Variants in PCDHGB1 observed in about 807,000 individuals in gnomAD.
The protein encoded by PCDHGB1 is protocadherin gamma subfamily B, 1, also known as protocadherin gamma-B1.
In PCDHGB1, 34 loss-of-function variants were observed where a neutral mutation model predicts 56.6. That is an observed-to-expected ratio of 0.60 (90% confidence interval 0.46 to 0.80). The LOEUF (loss-of-function observed/expected upper bound fraction) is 0.80. PCDHGB1 is among the 30% of genes least tolerant of loss of function. PCDHGB1 has a pLI of 0.00. For missense variants in PCDHGB1, 1,278 were observed against 1,204.6 expected, an observed-to-expected ratio of 1.06 and a Z score of -0.90; for synonymous variants, 561 against 505.9, an observed-to-expected ratio of 1.11 and a Z score of -1.46.
At chr5:141,417,256 C>G (rs985322130) in intron 1 of PCDHGB1, 1 of 152,096 alleles carries the variant, frequency 6.6e-6, no homozygotes, top group Non-Finnish European at 1.5e-5. Flanking sequence ...CTTCCAGCTT[C>G]ATAGATAATT....
chr5:141,502,679 T>C (rs943238781), intron 2 of PCDHGB1, among the ~76,000 whole-genome samples: 1 of 152,236 alleles, frequency 6.6e-6, no homozygotes, highest in Non-Finnish European at 1.5e-5. Flanking sequence ...TAGTATTCCC[T>C]GATGATCCTT....
At chr5:141,455,282 A>C (rs1307886349) in intron 1 of PCDHGB1, among the ~76,000 whole-genome samples, 1 of 152,056 alleles carries the variant, frequency 6.6e-6, no homozygotes, top group Non-Finnish European at 1.5e-5. Flanking sequence ...TATTAACATC[A>C]CTTTACATAG....
At chr5:141,422,897 A>AT (rs778069795) in intron 1 of PCDHGB1, 4 of 1,614,212 alleles carry the variant, frequency 2.5e-6, no homozygotes, top group Non-Finnish European at 3.4e-6. Flanking sequence ...CTGGACCAGA[A>AT]CGACAATGCG....
chr5:141,458,367 G>A (rs1297876142), intron 1 of PCDHGB1, among the ~76,000 whole-genome samples: 2 of 152,130 alleles, frequency 1.3e-5, no homozygotes, highest in African/African-American at 2.4e-5. Context: ...AGAAGGAAGG[G>A]AGAAGAGAGA....
At chr5:141,494,729 C>A in intron 1 of PCDHGB1, 78 bp from the exon 2 acceptor site, 1 of 1,610,166 alleles carries the variant, frequency 6.2e-7, no homozygotes. Context: ...CCTTCTCTCC[C>A]GGCCCATCCC....
chr5:141,357,739 C>A (rs1760721211), intron 1 of PCDHGB1: 1 of 1,286,180 alleles, frequency 7.8e-7, no homozygotes, highest in Non-Finnish European at 1.1e-6. Context: ...TATTTTATTG[C>A]TTTAAAGAAA....
rs144585584 is a variant in PCDHGB1 at position 141,478,339 on chromosome 5, C to T, written c.2410-16468C>T. 998 of 1,613,918 alleles carry T rather than the reference C, an allele frequency of 6.2e-4. 16 individuals carry two copies. In the East Asian group the frequency reaches 0.019, roughly 31 times the overall value. Reference sequence around the variant, plus strand: ...CACTGTACCGAACACCAGGGCCCTCCTTGCACGCGGACGCCGTGCGGGGAG... The same window carrying T: ...CACTGTACCGAACACCAGGGCCCTCTTTGCACGCGGACGCCGTGCGGGGAG... On this transcript the variant is annotated intron_variant, in intron 1 of 3. Transcript: ENST00000523390.
At chr5:141,394,547 G>T (rs771070854) in intron 1 of PCDHGB1, 6 of 1,614,098 alleles carry the variant, frequency 3.7e-6, no homozygotes, top group East Asian at 2.2e-5. Context: ...TGGAGCTGGC[G>T]CCCCGCTCCG....
At chr5:141,381,657 C>T (rs1224064730) in intron 1 of PCDHGB1, among the ~76,000 whole-genome samples, 5 of 152,134 alleles carry the variant, frequency 3.3e-5, no homozygotes, top group East Asian at 1.9e-4. Context: ...AAATGGGTTG[C>T]TTCTATAGCT....
intron 1 of PCDHGB1, among the ~76,000 whole-genome samples, chr5:141,450,829 A>ATTATTT (rs1554136902): frequency 7.4e-6 from 1 of 135,144 alleles, no homozygotes; most frequent in Admixed American, 7.6e-5. Context: ...TATTATTATT[A>ATTATTT]TTTTTTTTTT....
intron 1 of PCDHGB1, among the ~76,000 whole-genome samples, chr5:141,488,571 A>G (rs2099677106): frequency 6.6e-6 from 1 of 152,194 alleles, no homozygotes; most frequent in East Asian, 1.9e-4. Flanking sequence ...TCCGCAAAGC[A>G]TTGCTGGAGA....
Position 141,432,195 on chromosome 5 carries a change from C to A in PCDHGB1, c.2410-62612C>A, listed in dbSNP as rs1334965321. ...CTCGTCTCTGTGACCGCCCACGACC[C>A]CGACTGTGAAGAGAACGCCCAGATC... On this transcript the variant is annotated intron_variant, in intron 1 of 3. Transcript: ENST00000523390. This position sits in a 1 kb window ranked among gnomAD's most constrained non-coding sequence, Gnocchi z 6.0. 22 of 1,614,088 alleles carry A rather than the reference C, an allele frequency of 1.4e-5. No homozygotes were observed. The highest frequency in any genetic ancestry group is 1.9e-5 in the Non-Finnish European group (22 of 1,180,058).
At chr5:141,387,568 T>G in intron 1 of PCDHGB1, 1 of 447,496 alleles carries the variant, frequency 2.2e-6, no homozygotes, top group Admixed American at 3.9e-5. Context: ...CACACAATTA[T>G]AATTATTGCA....
intron 1 of PCDHGB1, among the ~76,000 whole-genome samples, chr5:141,481,863 G>A (rs182704348): frequency 8.8e-4 from 130 of 147,602 alleles, no homozygotes; most frequent in African/African-American, 3.3e-3. Flanking sequence ...GCAGTGAGCC[G>A]AGATCGCGCC....
chr5:141,499,191 C>A (rs920773306), intron 2 of PCDHGB1, among the ~76,000 whole-genome samples: 1 of 152,116 alleles, frequency 6.6e-6, no homozygotes, highest in Non-Finnish European at 1.5e-5. Context: ...ACCATTTCCC[C>A]CTTCTTAGGC....
intron 1 of PCDHGB1, among the ~76,000 whole-genome samples, chr5:141,437,556 T>C (rs1427506223): frequency 6.6e-6 from 1 of 152,228 alleles, no homozygotes; most frequent in African/African-American, 2.4e-5. Context: ...CTTTATGACA[T>C]GTAACAGAGT....
At position 141,391,015 on chromosome 5, in the gene PCDHGB1, CAAAGA is replaced by C. The variant is rs1353502690; in HGVS notation, c.2409+38352_2409+38356del. On this transcript the variant is annotated intron_variant, in intron 1 of 3. Transcript: ENST00000523390. ...TTCAAGCTCATTCTATATCCTTCAT[CAAAGA>C]AAAGACAATGTTTTGTGTCTGTTGT... 3.3e-5 allele frequency: 5 copies of C among 152,166 alleles called. No individual in the cohort carries two copies. The East Asian group carries it at 9.6e-4, about 29-fold the overall frequency. The allele number at this position is 152,166 out of a possible 1,614,324, so 9.4% of individuals were successfully genotyped here. A position where few individuals can be genotyped will look rare whatever the true frequency, so the allele number is the denominator to read the frequency against.
chr5:141,423,802 C>A, intron 1 of PCDHGB1: 3 of 1,254,704 alleles, frequency 2.4e-6, no homozygotes, highest in South Asian at 2.9e-5. Context: ...TAGAGCAATA[C>A]ATGTGAGTTT....
intron 1 of PCDHGB1, among the ~76,000 whole-genome samples, chr5:141,382,312 C>A (rs1778099412): frequency 6.6e-6 from 1 of 152,130 alleles, no homozygotes; most frequent in Admixed American, 6.5e-5. Flanking sequence ...TTTATATACA[C>A]TGATGTAAAT....
Sources: gnomAD v4.1 joint callset for allele counts (sites outside exome capture counted in the v4.1 genomes callset) on GRCh38, gnomAD v4.1.1 for gene constraint, Gnocchi (gnomAD v3.1) non-coding constraint, MANE v1.5 for transcripts, NCBI Gene and HGNC (gene_info 2026-07-23, HGNC 2026-07-21) for gene names.